CNTLN: variants seen among roughly 807,000 people sequenced by gnomAD.
The protein encoded by CNTLN is centlein, centrosomal protein.
Under a neutral mutation model 180.0 loss-of-function variants are expected in CNTLN, and 212 were observed. That is an observed-to-expected ratio of 1.18 (90% CI 1.05 to 1.32). The LOEUF is 1.32. Ranked by LOEUF, CNTLN falls within the 40% of genes most tolerant of loss-of-function variation. CNTLN has a pLI of 0.00. For missense variants in CNTLN, 2,095 were observed against 1,610.9 expected (o/e 1.30, Z -5.14); for synonymous variants, 722 against 563.1 (o/e 1.28, Z -3.99).
chr9:17,447,250 G>A (rs1564114317), intron 18 of CNTLN: 1 of 212,984 alleles, frequency 4.7e-6, no homozygotes, highest in Middle Eastern at 6.7e-4. Context: ...GAGCCATGTT[G>A]CCAAGCCTAA....
intron 18 of CNTLN, among the ~76,000 whole-genome samples, chr9:17,425,404 C>T (rs921024379): frequency 1.1e-4 from 17 of 152,152 alleles, no homozygotes; most frequent in African/African-American, 3.9e-4. Flanking sequence ...AGCCAGGAAG[C>T]GATCTGCTGC....
intron 15 of CNTLN, among the ~76,000 whole-genome samples, chr9:17,397,221 G>A (rs961346915): frequency 1.3e-5 from 2 of 152,094 alleles, no homozygotes; most frequent in Non-Finnish European, 2.9e-5. Context: ...CCCAAGAGAG[G>A]GTTCTTGGAT....
chr9:17,350,141 A>T lies in CNTLN; in HGVS notation c.1886+7697A>T, dbSNP rs190508054. Among the ~76,000 whole-genome samples, 795 of 152,356 alleles carry T rather than the reference A, an allele frequency of 5.2e-3. 5 individuals are homozygous for T. Among genetic ancestry groups the T allele is most frequent in the Admixed American group, 8.2e-3 (126 of 15,306 alleles). On this transcript the variant is annotated intron_variant, in intron 12 of 25. Transcript: ENST00000380647. Reference sequence around the variant, plus strand: ...AAAAAAAGTTTGTGTACATTCTTTCAGAATGGTGATATAAAACTATAATAA... The same window carrying T: ...AAAAAAAGTTTGTGTACATTCTTTCTGAATGGTGATATAAAACTATAATAA...
At chr9:17,188,344 T>G (rs2131784965) in intron 2 of CNTLN, among the ~76,000 whole-genome samples, 1 of 152,226 alleles carries the variant, frequency 6.6e-6, no homozygotes, top group Admixed American at 6.5e-5. Flanking sequence ...TCATGGAGCA[T>G]ATTTTTCATA....
At chr9:17,386,778 A>G (rs569110673) in intron 13 of CNTLN, among the ~76,000 whole-genome samples, 12 of 152,304 alleles carry the variant, frequency 7.9e-5, no homozygotes, top group Admixed American at 3.9e-4. Context: ...GTATTTAGCT[A>G]TTGTTGGCAT....
At chr9:17,186,385 G>C (rs1821437326) in intron 2 of CNTLN, among the ~76,000 whole-genome samples, 1 of 152,152 alleles carries the variant, frequency 6.6e-6, no homozygotes, top group Non-Finnish European at 1.5e-5. Context: ...ATGTTGGTAA[G>C]CATTAGGAAG....
intron 13 of CNTLN, among the ~76,000 whole-genome samples, chr9:17,375,037 G>A (rs909031218): frequency 2.6e-5 from 4 of 152,090 alleles, no homozygotes; most frequent in Admixed American, 6.5e-5. Flanking sequence ...ATCAACAGAC[G>A]AATGGATAAA....
intron 2 of CNTLN, among the ~76,000 whole-genome samples, chr9:17,221,932 T>C (rs1199389232): frequency 6.6e-6 from 1 of 152,062 alleles, no homozygotes; most frequent in East Asian, 1.9e-4. Context: ...TTCTCTCTTT[T>C]TATTTCTTTG....
At chr9:17,494,545 C>T (rs1833343002) in intron 25 of CNTLN, among the ~76,000 whole-genome samples, 1 of 152,040 alleles carries the variant, frequency 6.6e-6, no homozygotes, top group African/African-American at 2.4e-5. Context: ...CAAATAGGCC[C>T]CAGGGTCTGC....
At chr9:17,336,889 C>T (rs1424158570) in intron 10 of CNTLN, among the ~76,000 whole-genome samples, 2 of 152,128 alleles carry the variant, frequency 1.3e-5, no homozygotes, top group East Asian at 1.9e-4. Flanking sequence ...GGAATCGCCA[C>T]ACTGTCTTCC....
In CNTLN at chr9:17,312,553, ATTTTTTT is replaced by A. The variant is rs56915301; in HGVS notation, c.1341+3318_1341+3324del. ...AGGTGCCCGCCACCAAGCCCGGCTA[ATTTTTTT>A]TTTTTTTTTTTTTTTTGTATTTTTA... On this transcript the variant is annotated intron_variant, in intron 8 of 25. Transcript: ENST00000380647. 4.5e-3 allele frequency among the ~76,000 whole-genome samples: 454 copies of A among 100,412 alleles called. 3 individuals carry two copies. The highest frequency in any genetic ancestry group is 0.016 in the African/African-American group (432 of 26,722). The allele number at this position is 100,412 out of a possible 152,430, so 65.9% of individuals were successfully genotyped here.
At chr9:17,411,513 C>G (rs915580396) in intron 16 of CNTLN, among the ~76,000 whole-genome samples, 1 of 152,176 alleles carries the variant, frequency 6.6e-6, no homozygotes, top group Admixed American at 6.5e-5. Context: ...ATGACCTCCT[C>G]CTGGGATCCC....
intron 5 of CNTLN, among the ~76,000 whole-genome samples, chr9:17,255,539 C>T (rs11789418): frequency 6.6e-6 from 1 of 151,550 alleles, no homozygotes; most frequent in Non-Finnish European, 1.5e-5. Flanking sequence ...GGCATAAATT[C>T]CACTTGGTCA....
chr9:17,333,450 C>T (rs941691653), intron 10 of CNTLN, among the ~76,000 whole-genome samples: 1 of 151,904 alleles, frequency 6.6e-6, no homozygotes, highest in Non-Finnish European at 1.5e-5. Context: ...TCATATAATT[C>T]TCAAGTAGTT....
At chr9:17,441,622 A>G (rs1243833127) in intron 18 of CNTLN, among the ~76,000 whole-genome samples, 2 of 152,018 alleles carry the variant, frequency 1.3e-5, no homozygotes, top group African/African-American at 2.4e-5. Flanking sequence ...ATGAAATACA[A>G]TGAAAGATAG....
rs1416018849 is a variant in CNTLN at position 17,148,738 on chromosome 9, CAT to C, written c.449+5363_449+5364del. Among the ~76,000 whole-genome samples the C allele has an allele frequency of 5.3e-5, 8 of 152,190 alleles. No individual in the cohort carries two copies. In the East Asian group the frequency reaches 9.6e-4, roughly 18 times the overall value. Reference sequence around the variant, plus strand: ...CACTTTATTTGACATCAGTTGGAAACATGTGGGTTGTGTGACTCAAATTTTTT... The same window carrying C: ...CACTTTATTTGACATCAGTTGGAAACGTGGGTTGTGTGACTCAAATTTTTT... On this transcript the variant is annotated intron_variant, in intron 2 of 25. Coordinates refer to ENST00000380647, the MANE Select transcript of CNTLN (RefSeq NM_017738.4).
intron 16 of CNTLN, among the ~76,000 whole-genome samples, chr9:17,412,739 A>C (rs959704086): frequency 6.6e-6 from 1 of 152,196 alleles, no homozygotes; most frequent in Admixed American, 6.5e-5. Context: ...GATGTTTTCA[A>C]CTTAATGAGT....
chr9:17,496,237 G>C (rs767501888), intron 25 of CNTLN, among the ~76,000 whole-genome samples: 1 of 152,074 alleles, frequency 6.6e-6, no homozygotes, highest in African/African-American at 2.4e-5. Context: ...TTTCCTACCT[G>C]TACTATTAAG....
chr9:17,286,675 A>T (rs1422013429), intron 6 of CNTLN, among the ~76,000 whole-genome samples: 1 of 119,568 alleles, frequency 8.4e-6, no homozygotes, highest in African/African-American at 3.8e-5. Context: ...ATCCTCTTTT[A>T]TTTCATTGAG....
Sources: gnomAD v4.1 joint callset for allele counts (sites outside exome capture counted in the v4.1 genomes callset) on GRCh38, gnomAD v4.1.1 for gene constraint, MANE v1.5 for transcripts, NCBI Gene and HGNC (gene_info 2026-07-23, HGNC 2026-07-21) for gene names.